OXR1: variants seen among roughly 807,000 people sequenced by gnomAD.
The protein encoded by OXR1 is oxidation resistance protein 1.
A neutral mutation model predicts 104.6 loss-of-function variants in OXR1; 41 were observed. The ratio of observed to expected loss-of-function variants is 0.39; its 90% CI spans 0.31 to 0.51. The LOEUF (loss-of-function observed/expected upper bound fraction) is 0.51, where lower values mean the gene tolerates loss of function less well. Ranked by LOEUF, OXR1 falls within the 20% of genes least tolerant of loss-of-function variation. The pLI is 0.77. For missense variants in OXR1, 955 were observed against 1,031.9 expected, an observed-to-expected ratio of 0.93 and a Z score of 1.02; for synonymous variants, 348 against 348.4, an observed-to-expected ratio of 1.00 and a Z score of 0.01.
At chr8:106,690,939 T>C (rs929196277) in intron 6 of OXR1, among the ~76,000 whole-genome samples, 8 of 151,956 alleles carry the variant, frequency 5.3e-5, no homozygotes, top group Non-Finnish European at 1.0e-4. Context: ...AGAACATTTC[T>C]ACAAATTTTC....
intron 3 of OXR1, among the ~76,000 whole-genome samples, chr8:106,530,813 CT>C (rs1461271296): frequency 6.6e-6 from 1 of 151,762 alleles, no homozygotes; most frequent in Non-Finnish European, 1.5e-5. Flanking sequence ...GATAAAAAGT[CT>C]TTGTGTTAGT....
In OXR1 at chr8:106,684,349, A is replaced by T; in HGVS notation, c.515A>T (p.Asp172Val). The T allele has an allele frequency of 6.5e-7, 1 of 1,535,554 alleles. No homozygotes were observed. The highest frequency in any genetic ancestry group is 9.0e-7 in the Non-Finnish European group (1 of 1,108,772). Reference protein sequence around the residue: ...LSPTSSEAEFDKTTNPDVHPT... With the variant: ...LSPTSSEAEFVKTTNPDVHPT... ...CCAACATCATCTGAGGCTGAATTTGATAAGACCACTGTAAGTATCTCTGCT... is the reference window on the plus strand; with the variant it reads ...CCAACATCATCTGAGGCTGAATTTGTTAAGACCACTGTAAGTATCTCTGCT... Residue 172 changes from aspartate (D) to valine (V), a missense_variant, in exon 6 of 17, where the codon GAT (aspartate) becomes GTT (valine). Asp to Val is a radical substitution (Grantham distance 152). Around this residue, in one of 2 missense-constraint regions of OXR1, gnomAD observed 849 missense variants for 852.9 expected, o/e 1.00. Transcript: ENST00000517566.
At chr8:106,525,712 G>A (rs756959716) in intron 3 of OXR1, among the ~76,000 whole-genome samples, 3 of 152,154 alleles carry the variant, frequency 2.0e-5, no homozygotes, top group Non-Finnish European at 4.4e-5. Flanking sequence ...AATACCTCTG[G>A]AACTTTCCTT....
At chr8:106,308,168 A>T (rs1813543044) in intron 1 of OXR1, among the ~76,000 whole-genome samples, 1 of 152,232 alleles carries the variant, frequency 6.6e-6, no homozygotes, top group East Asian at 1.9e-4. Context: ...GGGCCTGAGG[A>T]CCATGGGGCT....
chr8:106,322,099 T>C (rs1285716954), intron 1 of OXR1, among the ~76,000 whole-genome samples: 1 of 152,174 alleles, frequency 6.6e-6, no homozygotes, highest in Non-Finnish European at 1.5e-5. Flanking sequence ...TGCTTTTGTT[T>C]TGCGTATTGA....
intron 3 of OXR1, among the ~76,000 whole-genome samples, chr8:106,668,724 A>T (rs892488636): frequency 2.0e-5 from 3 of 152,190 alleles, no homozygotes; most frequent in Non-Finnish European, 4.4e-5. Flanking sequence ...TATCACCATG[A>T]CTAATTTAGA....
chr8:106,474,259 G>A (rs1030157126), intron 2 of OXR1, among the ~76,000 whole-genome samples: 3 of 151,580 alleles, frequency 2.0e-5, no homozygotes, highest in Non-Finnish European at 4.4e-5. Flanking sequence ...TACTGGATGT[G>A]TAGCTTCCAG....
intron 9 of OXR1, among the ~76,000 whole-genome samples, chr8:106,709,032 G>A (rs1831437628): frequency 6.6e-6 from 1 of 151,912 alleles, no homozygotes; most frequent in South Asian, 2.1e-4. Context: ...TTCTATAAAA[G>A]ATTTAATATT....
At chr8:106,511,051 G>T (rs894857449) in intron 2 of OXR1, among the ~76,000 whole-genome samples, 2 of 152,154 alleles carry the variant, frequency 1.3e-5, no homozygotes, top group Non-Finnish European at 2.9e-5. Flanking sequence ...CAATTACTGA[G>T]TGGGCTAGAA....
chr8:106,595,230 T>A (rs1819423756), intron 3 of OXR1, among the ~76,000 whole-genome samples: 1 of 152,176 alleles, frequency 6.6e-6, no homozygotes, highest in Admixed American at 6.5e-5. Flanking sequence ...TTACCTTCTC[T>A]GTTTAAAGAA....
intron 3 of OXR1, among the ~76,000 whole-genome samples, chr8:106,666,811 C>T (rs1826383566): frequency 6.6e-6 from 1 of 152,114 alleles, no homozygotes; most frequent in Admixed American, 6.6e-5. Context: ...GTTCCTGCTA[C>T]ACTGACCTTA....
chr8:106,362,879 C>T (rs1816304787), intron 2 of OXR1, among the ~76,000 whole-genome samples: 1 of 152,158 alleles, frequency 6.6e-6, no homozygotes, highest in South Asian at 2.1e-4. Context: ...GTAGTAGGGC[C>T]TGGAGATTAG....
chr8:106,670,265 A>G (rs1826799554), intron 3 of OXR1, among the ~76,000 whole-genome samples: 1 of 152,180 alleles, frequency 6.6e-6, no homozygotes, highest in Admixed American at 6.5e-5. Flanking sequence ...TTCAACTTCA[A>G]ATTATCAAAA....
intron 1 of OXR1, among the ~76,000 whole-genome samples, chr8:106,302,746 T>TTTTG (rs934408915): frequency 5.9e-5 from 9 of 151,952 alleles, no homozygotes; most frequent in African/African-American, 9.7e-5. Flanking sequence ...GTTTGGGTTT[T>TTTTG]TTTGTTTGTT....
chr8:106,739,697 C>T, intron 13 of OXR1, 114 bp downstream of exon 13: 1 of 953,584 alleles, frequency 1.0e-6, no homozygotes, highest in Non-Finnish European at 1.5e-6. Context: ...TACTATTCCA[C>T]TCCAGTGAAA....
intron 1 of OXR1, among the ~76,000 whole-genome samples, chr8:106,326,861 G>A (rs1212808277): frequency 1.3e-5 from 2 of 152,138 alleles, no homozygotes. Context: ...GGACTTTGTA[G>A]GAAATGGTGC....
At chr8:106,638,308 A>G (rs1373214337) in intron 3 of OXR1, among the ~76,000 whole-genome samples, 1 of 151,942 alleles carries the variant, frequency 6.6e-6, no homozygotes, top group East Asian at 1.9e-4. Flanking sequence ...CGTCACCTTC[A>G]CCAAGAAGCC....
At chr8:106,746,862 T>A (rs534990709) in intron 16 of OXR1, among the ~76,000 whole-genome samples, 1 of 152,162 alleles carries the variant, frequency 6.6e-6, no homozygotes, top group East Asian at 1.9e-4. Flanking sequence ...CTCCAACAGG[T>A]CCACTCAATC....
intron 11 of OXR1, among the ~76,000 whole-genome samples, chr8:106,732,204 AC>A (rs1389139513): frequency 3.9e-5 from 6 of 152,066 alleles, no homozygotes; most frequent in Non-Finnish European, 4.4e-5. Flanking sequence ...AAGACCATTG[AC>A]TTTTGCATAT....
Sources: gnomAD v4.1 joint callset for allele counts (sites outside exome capture counted in the v4.1 genomes callset) on GRCh38, gnomAD v4.1.1 for gene constraint, gnomAD v4.1.1 regional missense constraint, MANE v1.5 for transcripts, NCBI Gene and HGNC (gene_info 2026-07-23, HGNC 2026-07-21) for gene names.